The following CD86 variants were observed in gnomAD, a reference collection of about 807,000 sequenced individuals.
CD86 encodes the protein CD86 molecule, also known as T-lymphocyte activation antigen CD86.
Under a neutral mutation model 32.1 loss-of-function variants are expected in CD86, and 11 were observed. That is an observed-to-expected ratio of 0.34 (90% CI 0.22 to 0.57). CD86 has a LOEUF of 0.57. Among genes scored for constraint, CD86 ranks in the 20% least tolerant of loss-of-function variants. The pLI is 0.86. For missense variants in CD86, 359 were observed against 398.4 expected, an observed-to-expected ratio of 0.90 and a Z score of 0.84; for synonymous variants, 137 against 135.3, an observed-to-expected ratio of 1.01 and a Z score of -0.09.
intron 1 of CD86, among the ~76,000 whole-genome samples, chr3:122,064,504 C>A (rs569029114): frequency 1.3e-5 from 2 of 152,090 alleles, no homozygotes; most frequent in African/African-American, 4.8e-5. Context: ...CTGTGGTTTA[C>A]GTACAGCTCC....
intron 6 of CD86, 91 bp from the exon 7 acceptor site, chr3:122,119,347 G>C: frequency 1.3e-6 from 1 of 761,356 alleles, no homozygotes; most frequent in Non-Finnish European, 2.3e-6. Flanking sequence ...TGTTCCAATG[G>C]CAACCTCTAT....
chr3:122,114,538 G>A (rs2073222126), intron 5 of CD86, among the ~76,000 whole-genome samples: 1 of 152,120 alleles, frequency 6.6e-6, no homozygotes, highest in Admixed American at 6.5e-5. Context: ...TGAAGGCAGG[G>A]GAGCCCTGAT....
At chr3:122,098,362 G>A (rs543759347) in intron 2 of CD86, among the ~76,000 whole-genome samples, 45 of 152,308 alleles carry the variant, frequency 3.0e-4, no homozygotes, top group Middle Eastern at 3.4e-3. Context: ...TCTGGACAGA[G>A]GGAACAACAT....
intron 1 of CD86, among the ~76,000 whole-genome samples, chr3:122,083,304 A>G (rs2072660368): frequency 6.6e-6 from 1 of 152,182 alleles, no homozygotes; most frequent in Admixed American, 6.5e-5. Context: ...ACTGACCAAT[A>G]ACACACGTGT....
chr3:122,106,105 T>G, intron 3 of CD86, 93 bp from the exon 4 acceptor site: 43 of 954,670 alleles, frequency 4.5e-5, no homozygotes, highest in Non-Finnish European at 6.1e-5. Context: ...TGTGCCCCAA[T>G]GAGCCCCAGA....
intron 1 of CD86, among the ~76,000 whole-genome samples, chr3:122,086,198 C>T (rs2072716096): frequency 6.6e-6 from 1 of 152,164 alleles, no homozygotes; most frequent in African/African-American, 2.4e-5. Context: ...AAATGTTTGC[C>T]TGAAAGACTA....
chr3:122,056,284 G>C (rs1204955695), intron 1 of CD86, among the ~76,000 whole-genome samples: 1 of 152,116 alleles, frequency 6.6e-6, no homozygotes. Flanking sequence ...AGTCACACCC[G>C]CCCTTCTCTT....
rs72965476 is a variant in CD86 at position 122,113,925 on chromosome 3, T to C, written c.848-4123T>C. Among the ~76,000 whole-genome samples, 854 of 152,238 alleles carry C rather than the reference T, an allele frequency of 5.6e-3. 7 individuals carry two copies. The highest frequency in any genetic ancestry group is 0.02 in the African/African-American group (811 of 41,536). ...TATGAATGAAGGTTATGAGAGGGTA[T>C]AAGGAATTAAGAGAGACTTTTCTAA... is the stretch of plus-strand genomic sequence containing the variant. On this transcript the variant is annotated intron_variant, in intron 5 of 6. Transcript: ENST00000330540.
intron 1 of CD86, among the ~76,000 whole-genome samples, chr3:122,066,236 C>T (rs1002875443): frequency 6.6e-6 from 1 of 152,076 alleles, no homozygotes; most frequent in Non-Finnish European, 1.5e-5. Context: ...TTCTTTGAGC[C>T]TCAGTTTCTT....
intron 1 of CD86, among the ~76,000 whole-genome samples, chr3:122,086,765 G>C (rs566909208): frequency 6.6e-6 from 1 of 152,192 alleles, no homozygotes. Context: ...CTGTCTCTCT[G>C]AGAGTCCTCT....
intron 2 of CD86, among the ~76,000 whole-genome samples, chr3:122,098,467 T>C (rs2072943790): frequency 6.6e-6 from 1 of 151,928 alleles, no homozygotes; most frequent in Non-Finnish European, 1.5e-5. Context: ...AGAGGCCTGA[T>C]AGGTACTGGG....
chr3:122,077,894 C>G (rs999060378), intron 1 of CD86: 2 of 985,384 alleles, frequency 2.0e-6, no homozygotes, highest in South Asian at 4.7e-5. Context: ...CATTATTTCT[C>G]TCTCTACAAG....
chr3:122,083,373 A>G (rs2072661519), intron 1 of CD86, among the ~76,000 whole-genome samples: 1 of 152,118 alleles, frequency 6.6e-6, no homozygotes, highest in Admixed American at 6.6e-5. Flanking sequence ...CATTTTGGCC[A>G]CAGGGACCTC....
At chr3:122,101,795 A>C (rs147750024) in intron 2 of CD86, among the ~76,000 whole-genome samples, 2,464 of 152,122 alleles carry the variant, frequency 0.016, 61 homozygotes, top group African/African-American at 0.054. Context: ...TCAGCAAAGA[A>C]GATGCAGAAG....
At chr3:122,093,397 C>T (rs762440465) in intron 2 of CD86, among the ~76,000 whole-genome samples, 30 of 152,248 alleles carry the variant, frequency 2.0e-4, no homozygotes, top group Admixed American at 1.3e-3. Context: ...TTCTGAGAAA[C>T]ACATTATTAG....
At chr3:122,118,900 C>T (rs912051568) in intron 6 of CD86, among the ~76,000 whole-genome samples, 2 of 152,116 alleles carry the variant, frequency 1.3e-5, no homozygotes, top group Admixed American at 1.3e-4. Context: ...TAGTCTGTAC[C>T]TCTATCCCTC....
intron 5 of CD86, among the ~76,000 whole-genome samples, chr3:122,116,351 A>G (rs1303231934): frequency 6.6e-6 from 1 of 152,184 alleles, no homozygotes; most frequent in Non-Finnish European, 1.5e-5. Context: ...CAGATACATA[A>G]CAGAAGAAGA....
intron 2 of CD86, among the ~76,000 whole-genome samples, chr3:122,098,364 GAAC>G (rs1373942815): frequency 6.6e-6 from 1 of 152,170 alleles, no homozygotes; most frequent in Non-Finnish European, 1.5e-5. Flanking sequence ...TGGACAGAGG[GAAC>G]AACATGAGAA....
At chr3:122,070,429 T>A (rs182344925) in intron 1 of CD86, among the ~76,000 whole-genome samples, 2 of 152,264 alleles carry the variant, frequency 1.3e-5, no homozygotes, top group East Asian at 3.9e-4. Flanking sequence ...TGAGGGTCCA[T>A]CCTACCCCAC....
Sources: allele counts gnomAD v4.1 joint callset (sites outside exome capture counted in the v4.1 genomes callset), GRCh38; gene constraint gnomAD v4.1.1; transcripts MANE v1.5; gene names NCBI Gene and HGNC (gene_info 2026-07-23, HGNC 2026-07-21).